PTPN9: variants seen among roughly 807,000 people sequenced by gnomAD.
PTPN9 encodes the protein protein tyrosine phosphatase non-receptor type 9, also known as tyrosine-protein phosphatase non-receptor type 9.
In PTPN9, 26 loss-of-function variants were observed where a neutral mutation model predicts 69.8. The ratio of observed to expected loss-of-function variants is 0.37; its 90% CI spans 0.27 to 0.52. The LOEUF (loss-of-function observed/expected upper bound fraction) is 0.52. Ranked by LOEUF, PTPN9 falls within the 20% of genes least tolerant of loss-of-function variation. PTPN9 has a pLI of 0.91. For synonymous variants in PTPN9, 274 were observed against 272.5 expected (o/e 1.01, Z -0.05); for missense variants, 549 against 740.3 (o/e 0.74, Z 3.00).
intron 1 of PTPN9, among the ~76,000 whole-genome samples, chr15:75,551,242 T>A (rs1198743480): frequency 6.6e-6 from 1 of 151,628 alleles, no homozygotes; most frequent in Admixed American, 6.6e-5. Context: ...CCGAGGGCTG[T>A]TAAGACATTT....
intron 7 of PTPN9, among the ~76,000 whole-genome samples, chr15:75,503,079 G>A (rs2074782890): frequency 6.6e-6 from 1 of 151,192 alleles, no homozygotes; most frequent in South Asian, 2.1e-4. Flanking sequence ...AGTGAGGAGC[G>A]TCTCTGCCTG....
Position 75,527,127 on chromosome 15 carries a change from G to C in PTPN9, c.198C>G (p.His66Gln). Residue 66 changes from histidine to glutamine, a missense_variant, in exon 2 of 13, where the codon CAC becomes CAG. Physicochemically the swap from His to Gln is conservative, Grantham distance 24. Coordinates refer to ENST00000618819, the MANE Select transcript of PTPN9 (RefSeq NM_002833.4). ...FDVLRAIELF[H>Q]SYRETRRKEG... ...CCCCTGAGCCACATACTCTGTAGGA[G>C]TGGAACAATTCTATGGCACGGAGCA... 6.2e-7 allele frequency: 1 copy of C among 1,614,174 alleles called. No individual in the cohort carries two copies. The highest frequency in any genetic ancestry group is 8.5e-7 in the Non-Finnish European group (1 of 1,180,028).
At chr15:75,516,580 G>C (rs1394163135) in intron 5 of PTPN9, among the ~76,000 whole-genome samples, 1 of 151,298 alleles carries the variant, frequency 6.6e-6, no homozygotes, top group Non-Finnish European at 1.5e-5. Context: ...CCAAAGTGCT[G>C]AGATTACTGG....
intron 1 of PTPN9, among the ~76,000 whole-genome samples, chr15:75,568,534 A>AC (rs1187774657): frequency 1.4e-5 from 2 of 146,674 alleles, no homozygotes; most frequent in African/African-American, 5.1e-5. Context: ...ACAAAACAAA[A>AC]AAAAAACAAC....
intron 1 of PTPN9, among the ~76,000 whole-genome samples, chr15:75,545,578 A>G (rs913936968): frequency 3.9e-5 from 6 of 152,236 alleles, no homozygotes; most frequent in Non-Finnish European, 5.9e-5. Flanking sequence ...GAAATTAGAT[A>G]TCTTAATTCC....
chr15:75,571,484 G>A (rs761886718), intron 1 of PTPN9, among the ~76,000 whole-genome samples: 58 of 152,108 alleles, frequency 3.8e-4, no homozygotes, highest in Non-Finnish European at 7.2e-4. Flanking sequence ...CAGGCTGGGC[G>A]TGGTGGCTCA....
At chr15:75,569,782 G>A (rs543742159) in intron 1 of PTPN9, among the ~76,000 whole-genome samples, 4 of 151,526 alleles carry the variant, frequency 2.6e-5, no homozygotes, top group Admixed American at 6.6e-5. Flanking sequence ...AAAACCTCCA[G>A]GCCACTTAAT....
chr15:75,501,666 C>G (rs757683714), intron 7 of PTPN9, among the ~76,000 whole-genome samples: 6 of 151,846 alleles, frequency 4.0e-5, no homozygotes, highest in African/African-American at 7.3e-5. Flanking sequence ...CTATGCTGCT[C>G]AGGTTAGTCT....
chr15:75,478,638 T>C (rs1040860901), intron 9 of PTPN9, among the ~76,000 whole-genome samples: 1 of 152,222 alleles, frequency 6.6e-6, no homozygotes, highest in Non-Finnish European at 1.5e-5. Context: ...TGGCATTAAC[T>C]TTGGAGAGTC....
intron 5 of PTPN9, among the ~76,000 whole-genome samples, chr15:75,510,202 CTAAT>C (rs1444579878): frequency 2.6e-5 from 4 of 152,032 alleles, no homozygotes; most frequent in East Asian, 3.8e-4. Flanking sequence ...TCATTCATTC[CTAAT>C]CCACAGTGCT....
In PTPN9 at chr15:75,470,863, T is replaced by C. The variant is rs781237269; in HGVS notation, c.1209-33A>G. 3.5e-5 allele frequency: 57 copies of C among 1,608,494 alleles called. 1 individual carries two copies. The South Asian group carries it at 5.4e-4, about 15-fold the overall frequency. On this transcript the variant is annotated intron_variant, in intron 10 of 12. Coordinates refer to ENST00000618819, the MANE Select transcript of PTPN9 (RefSeq NM_002833.4). ...CACACAGAGCAAGGTAAGCCTTCCA[T>C]CGTTCCTCTCCACAGCAGTAACCTG...
intron 1 of PTPN9, among the ~76,000 whole-genome samples, chr15:75,552,812 C>A (rs992584542): frequency 3.4e-5 from 5 of 148,260 alleles, no homozygotes; most frequent in African/African-American, 5.0e-5. Flanking sequence ...TAGATATGGT[C>A]CCATAAAAGA....
chr15:75,465,121 G>T lies in PTPN9; in HGVS notation c.*3648C>A, dbSNP rs2074531575. ...TCTTTTTTATTTATTTATTTTTTTT[G>T]AGATGGAGTTTTACTCTTGTTGCCC... On this transcript the variant is annotated 3_prime_UTR_variant, in exon 13 of 13. Coordinates refer to ENST00000618819, the MANE Select transcript of PTPN9 (RefSeq NM_002833.4). 1.3e-5 allele frequency: 2 copies of T among 151,574 alleles called. 1 individual carries two copies. The highest frequency in any genetic ancestry group is 4.2e-4 in the South Asian group (2 of 4,798). 9.4% of individuals were successfully genotyped at this position (151,574 alleles called of 1,614,324 possible).
In PTPN9 at chr15:75,495,487, C is replaced by T. The variant is rs1291637787; in HGVS notation, c.969-5186G>A. 3.3e-5 allele frequency among the ~76,000 whole-genome samples: 5 copies of T among 152,116 alleles called. No homozygotes were observed. In the East Asian group the frequency reaches 7.7e-4, roughly 24 times the overall value. On this transcript the variant is annotated intron_variant, in intron 7 of 12. Transcript: ENST00000618819. ...CAGCACTTTGGGAGGCCAAGGTGGG[C>T]AGATCACTTGAGGTCAGGAGTTCGA...
chr15:75,472,774 A>G (rs574006214), intron 10 of PTPN9, among the ~76,000 whole-genome samples: 526 of 47,288 alleles, frequency 0.011, 4 homozygotes, highest in African/African-American at 0.042. Context: ...GCAAGACACC[A>G]TCTCCAAAAA....
chr15:75,493,758 C>T (rs2074724185), intron 7 of PTPN9, among the ~76,000 whole-genome samples: 3 of 150,892 alleles, frequency 2.0e-5, no homozygotes, highest in Non-Finnish European at 4.4e-5. Context: ...GAGACTCCGT[C>T]TCATTAAAAA....
intron 6 of PTPN9, among the ~76,000 whole-genome samples, chr15:75,507,256 C>T (rs1265318862): frequency 6.7e-6 from 1 of 149,636 alleles, no homozygotes; most frequent in Non-Finnish European, 1.5e-5. Flanking sequence ...CCAGCCTGTC[C>T]AACATGGTGA....
intron 7 of PTPN9, among the ~76,000 whole-genome samples, chr15:75,493,313 A>G (rs567908292): frequency 1.3e-5 from 2 of 152,274 alleles, no homozygotes; most frequent in Admixed American, 1.3e-4. Flanking sequence ...ATTATACATA[A>G]AACAAGAAGA....
rs1361208182 is a variant in PTPN9, at chr15:75,578,797, G to A, written c.-21C>T. ...TCCATCCCCCCGCCACCGCCGCCGG[G>A]CGGACAAAACTCGCTCGCGAGCGCG... On this transcript the variant is annotated 5_prime_UTR_variant, in exon 1 of 13. Transcript: ENST00000618819. The A allele has an allele frequency of 8.1e-7, 1 of 1,229,496 alleles. No homozygotes were observed. The highest frequency in any genetic ancestry group is 1.0e-6 in the Non-Finnish European group (1 of 986,422). The allele number at this position is 1,229,496 out of a possible 1,614,324, so 76.2% of individuals were successfully genotyped here.
Sources: gnomAD v4.1 joint callset for allele counts (sites outside exome capture counted in the v4.1 genomes callset) on GRCh38, gnomAD v4.1.1 for gene constraint, MANE v1.5 for transcripts, NCBI Gene and HGNC (gene_info 2026-07-23, HGNC 2026-07-21) for gene names.